Variants in KIAA0825 observed in about 807,000 individuals in gnomAD.
KIAA0825 encodes the protein KIAA0825.
Under a neutral mutation model 147.6 loss-of-function variants are expected in KIAA0825, and 119 were observed. That is an observed-to-expected ratio of 0.81 (90% CI 0.69 to 0.94). The LOEUF is 0.94. Among genes scored for constraint, KIAA0825 ranks in the 40% least tolerant of loss-of-function variants. The pLI, the probability that KIAA0825 is intolerant of heterozygous loss-of-function variation, is 0.00. For missense variants in KIAA0825, 1,381 were observed against 1,472.7 expected (o/e 0.94, Z 1.02); for synonymous variants, 470 against 518.1 (o/e 0.91, Z 1.26).
At chr5:94,226,901 G>A (rs1446961053) in intron 20 of KIAA0825, among the ~76,000 whole-genome samples, 2 of 152,140 alleles carry the variant, frequency 1.3e-5, no homozygotes, top group Non-Finnish European at 2.9e-5. Flanking sequence ...GAAACAACAG[G>A]TGCTGGAGAG....
At chr5:94,526,839 C>A (rs1272717996) in intron 3 of KIAA0825, among the ~76,000 whole-genome samples, 2 of 151,896 alleles carry the variant, frequency 1.3e-5, no homozygotes, top group Non-Finnish European at 2.9e-5. Context: ...AAGAGATAAA[C>A]CTGTAAATAA....
At position 94,407,540 on chromosome 5, in the gene KIAA0825, C is replaced by A. The variant is rs558088013; in HGVS notation, c.2663-3747G>T. On this transcript the variant is annotated intron_variant, in intron 15 of 20. Coordinates refer to ENST00000682413, the MANE Select transcript of KIAA0825 (RefSeq NM_001145678.3). The stretch of plus-strand genomic sequence containing the variant: ...AGAAATGGAGTTCTGATACATGCTA[C>A]AACATGGATTAACCTTGAAAATATT... 3.9e-5 allele frequency among the ~76,000 whole-genome samples: 6 copies of A among 152,256 alleles called. No individual in the cohort carries two copies. The South Asian group carries it at 1.2e-3, about 32-fold the overall frequency.
chr5:94,455,052 A>C (rs1016310177), intron 12 of KIAA0825, among the ~76,000 whole-genome samples: 20 of 152,144 alleles, frequency 1.3e-4, no homozygotes, highest in African/African-American at 4.8e-4. Flanking sequence ...CATCCGAAGT[A>C]CATCCAAGGC....
chr5:94,166,590 C>G (rs1466992325), intron 20 of KIAA0825, among the ~76,000 whole-genome samples: 1 of 140,046 alleles, frequency 7.1e-6, no homozygotes, highest in Non-Finnish European at 1.5e-5. Flanking sequence ...TCACTGCAAA[C>G]TCCGCCTCCC....
At chr5:94,304,834 A>C (rs1778625721) in intron 20 of KIAA0825, among the ~76,000 whole-genome samples, 1 of 152,074 alleles carries the variant, frequency 6.6e-6, no homozygotes, top group Non-Finnish European at 1.5e-5. Context: ...AGTTACCACA[A>C]GACAAAATAT....
chr5:94,371,154 T>C (rs975996345), intron 20 of KIAA0825, among the ~76,000 whole-genome samples: 32 of 152,176 alleles, frequency 2.1e-4, no homozygotes, highest in African/African-American at 7.5e-4. Context: ...AAATTTTAAA[T>C]ATTCTGAATA....
At chr5:94,523,145 C>T (rs1425052065) in intron 4 of KIAA0825, among the ~76,000 whole-genome samples, 4 of 151,584 alleles carry the variant, frequency 2.6e-5, no homozygotes, top group Non-Finnish European at 5.9e-5. Flanking sequence ...CATCCTAAGC[C>T]ATCTACAACC....
At chr5:94,188,579 T>G (rs1438586319) in intron 20 of KIAA0825, among the ~76,000 whole-genome samples, 1 of 152,148 alleles carries the variant, frequency 6.6e-6, no homozygotes, top group Non-Finnish European at 1.5e-5. Flanking sequence ...TTTTTGAGAT[T>G]CGTTCACATT....
intron 1 of KIAA0825, among the ~76,000 whole-genome samples, chr5:94,588,556 G>A (rs1206473482): frequency 1.3e-5 from 2 of 152,210 alleles, no homozygotes; most frequent in Non-Finnish European, 2.9e-5. Flanking sequence ...TGGAGAGGAT[G>A]TGGAGAAATA....
intron 12 of KIAA0825, among the ~76,000 whole-genome samples, chr5:94,459,391 T>C (rs1055611612): frequency 5.3e-5 from 8 of 152,154 alleles, no homozygotes. Context: ...TATAAGCATA[T>C]TCTACGCTTA....
At chr5:94,160,569 ATG>A (rs1767468155) in intron 20 of KIAA0825, among the ~76,000 whole-genome samples, 1 of 148,328 alleles carries the variant, frequency 6.7e-6, no homozygotes, top group Admixed American at 6.8e-5. Flanking sequence ...TAAATACTGT[ATG>A]TGTATATATT....
intron 1 of KIAA0825, among the ~76,000 whole-genome samples, chr5:94,608,454 T>TATATATATATATATTATATATATAAA (rs1787934261): frequency 1.0e-3 from 1 of 968 alleles, no homozygotes; most frequent in African/African-American, 4.5e-3. Context: ...TGTGTGTGTA[T>TATATATATATATATTATATATATAAA]ATATATATAT....
At chr5:94,330,833 C>G (rs1204607406) in intron 20 of KIAA0825, among the ~76,000 whole-genome samples, 3 of 152,010 alleles carry the variant, frequency 2.0e-5, no homozygotes, top group Non-Finnish European at 4.4e-5. Context: ...CAACTTACTA[C>G]TATCAGAAAT....
intron 16 of KIAA0825, among the ~76,000 whole-genome samples, chr5:94,398,899 A>T (rs1751017479): frequency 6.6e-6 from 1 of 152,176 alleles, no homozygotes; most frequent in Non-Finnish European, 1.5e-5. Flanking sequence ...ATAACATTTA[A>T]AAAGTCACTC....
chr5:94,446,563 AGAAAGGAACAT>A (rs1757750018), intron 13 of KIAA0825, among the ~76,000 whole-genome samples: 1 of 152,192 alleles, frequency 6.6e-6, no homozygotes, highest in Non-Finnish European at 1.5e-5. Flanking sequence ...ATCCTGTGGC[AGAAAGGAACAT>A]GGCATAGAAA....
At chr5:94,576,355 T>C (rs952015212) in intron 2 of KIAA0825, among the ~76,000 whole-genome samples, 4 of 152,140 alleles carry the variant, frequency 2.6e-5, no homozygotes, top group African/African-American at 7.2e-5. Flanking sequence ...TAAGAGGTTA[T>C]TGGGTCATGA....
rs55755253 is a variant in KIAA0825 at position 94,152,860 on chromosome 5, AT to A, written c.*1146del. On this transcript the variant is annotated 3_prime_UTR_variant, in exon 21 of 21. Transcript: ENST00000682413. ...AAAAAAAAAAAAAAAAAAAAATTAT[AT>A]ATATATATATATATATATATATATA... The A allele has an allele frequency of 2.2e-4, 1 of 4,504 alleles. No homozygotes were observed. The highest frequency in any genetic ancestry group is 8.0e-4 in the African/African-American group (1 of 1,246). The allele number at this position is 4,504 out of a possible 1,614,324, so 0.3% of individuals were successfully genotyped here.
chr5:94,595,369 G>A (rs1411721830), intron 1 of KIAA0825, among the ~76,000 whole-genome samples: 1 of 152,192 alleles, frequency 6.6e-6, no homozygotes, highest in African/African-American at 2.4e-5. Context: ...AAGGCTTGGG[G>A]AATTGCACCC....
At chr5:94,191,710 T>C (rs532558875) in intron 20 of KIAA0825, among the ~76,000 whole-genome samples, 3 of 152,354 alleles carry the variant, frequency 2.0e-5, no homozygotes, top group Admixed American at 6.5e-5. Context: ...AATGTAATCA[T>C]CAATGGCTCT....
Sources: gnomAD v4.1 joint callset for allele counts (sites outside exome capture counted in the v4.1 genomes callset) on GRCh38, gnomAD v4.1.1 for gene constraint, MANE v1.5 for transcripts, NCBI Gene and HGNC (gene_info 2026-07-23, HGNC 2026-07-21) for gene names.